Variants in MELK observed in about 807,000 individuals in gnomAD.
MELK encodes the protein pEg3 kinase.
A neutral mutation model predicts 85.0 loss-of-function variants in MELK; 81 were observed. The observed-to-expected ratio is 0.95, with a 90% CI of 0.80 to 1.15. MELK has a LOEUF of 1.15. Among genes scored for constraint, MELK ranks in the 50% most tolerant of loss-of-function variants. The probability of loss-of-function intolerance (pLI) is 0.00; values close to 1 mark genes in which losing one functional copy is unlikely to be tolerated. For missense variants in MELK, 754 were observed against 777.5 expected (o/e 0.97, Z 0.36); for synonymous variants, 252 against 265.0 (o/e 0.95, Z 0.48).
At chr9:36,585,716 T>G (rs1007093719) in intron 3 of MELK, among the ~76,000 whole-genome samples, 1 of 152,132 alleles carries the variant, frequency 6.6e-6, no homozygotes, top group African/African-American at 2.4e-5. Context: ...GCCAGAGGAT[T>G]GCTTGAGGCC....
At chr9:36,612,211 T>A (rs1404741614) in intron 8 of MELK, among the ~76,000 whole-genome samples, 1 of 152,048 alleles carries the variant, frequency 6.6e-6, no homozygotes, top group Non-Finnish European at 1.5e-5. Context: ...TTCTCTTGCC[T>A]CAGCCTCCTG....
intron 1 of MELK, among the ~76,000 whole-genome samples, chr9:36,581,397 C>T (rs1284485869): frequency 2.0e-5 from 3 of 151,802 alleles, no homozygotes; most frequent in Non-Finnish European, 4.4e-5. Context: ...GTGATCCTCT[C>T]CTATCCTGAA....
At chr9:36,638,838 G>A (rs1829467020) in intron 10 of MELK, among the ~76,000 whole-genome samples, 1 of 152,160 alleles carries the variant, frequency 6.6e-6, no homozygotes. Flanking sequence ...TGAGGCAACT[G>A]AGACACAGAA....
chr9:36,657,846 G>T (rs1010307700), intron 13 of MELK, among the ~76,000 whole-genome samples: 4 of 152,198 alleles, frequency 2.6e-5, no homozygotes, highest in Admixed American at 6.5e-5. Context: ...GCCTTCCAAA[G>T]TGCTGGGATT....
intron 8 of MELK, among the ~76,000 whole-genome samples, chr9:36,613,613 T>A (rs1212483538): frequency 6.6e-6 from 1 of 152,120 alleles, no homozygotes; most frequent in Non-Finnish European, 1.5e-5. Context: ...GTAGGTTGCA[T>A]GATTAAATAA....
intron 8 of MELK, among the ~76,000 whole-genome samples, chr9:36,610,692 T>A (rs1825987078): frequency 6.6e-6 from 1 of 152,210 alleles, no homozygotes; most frequent in Admixed American, 6.5e-5. Context: ...CCTGACTCCA[T>A]AGAGCCATAC....
At chr9:36,598,860 C>T (rs1487553202) in intron 6 of MELK, among the ~76,000 whole-genome samples, 1 of 152,110 alleles carries the variant, frequency 6.6e-6, no homozygotes, top group African/African-American at 2.4e-5. Context: ...TTGTTCATGC[C>T]AGGTTGTAGT....
intron 11 of MELK, 81 bp from the exon 12 acceptor site, chr9:36,651,665 A>C: frequency 6.6e-7 from 1 of 1,515,672 alleles, no homozygotes; most frequent in Non-Finnish European, 8.9e-7. Flanking sequence ...TGTTACACTG[A>C]AGAAAAAAAT....
chr9:36,675,705 C>G lies in MELK; in HGVS notation c.1778+768C>G, dbSNP rs1243779000. On this transcript the variant is annotated intron_variant, in intron 17 of 17. Transcript: ENST00000298048. ...GTTGAAGGAACTGCCATCAAAGCCT[C>G]CTTGGTTATGATCTCCTGGTCTCAA... Among the ~76,000 whole-genome samples, 3 of 152,146 alleles carry G rather than the reference C, an allele frequency of 2.0e-5. No homozygotes were observed. In the East Asian group the frequency reaches 5.8e-4, roughly 29 times the overall value.
At chr9:36,641,037 T>C (rs1829708683) in intron 10 of MELK, among the ~76,000 whole-genome samples, 1 of 152,188 alleles carries the variant, frequency 6.6e-6, no homozygotes, top group Admixed American at 6.5e-5. Flanking sequence ...TTCTGAATAC[T>C]TCACTTTGAT....
chr9:36,620,586 G>A (rs979884137), intron 8 of MELK, among the ~76,000 whole-genome samples: 1 of 126,390 alleles, frequency 7.9e-6, no homozygotes, highest in Non-Finnish European at 1.6e-5. Flanking sequence ...GTCTCGCTCT[G>A]TCTCCCAGGC....
intron 5 of MELK, 151 bp downstream of exon 5, chr9:36,594,922 TAC>T (rs1488346478): frequency 1.1e-5 from 9 of 804,944 alleles, no homozygotes; most frequent in South Asian, 5.2e-5. Context: ...TTTTTCCTCT[TAC>T]TTTTTTTTTT....
At chr9:36,593,778 G>T (rs1033487259) in intron 4 of MELK, among the ~76,000 whole-genome samples, 1 of 152,108 alleles carries the variant, frequency 6.6e-6, no homozygotes, top group African/African-American at 2.4e-5. Context: ...TGCAACCTCT[G>T]CCTCCCGGGT....
At chr9:36,643,290 C>T (rs910731733) in intron 11 of MELK, among the ~76,000 whole-genome samples, 5 of 151,466 alleles carry the variant, frequency 3.3e-5, no homozygotes, top group African/African-American at 9.7e-5. Context: ...GGCTGAGGCA[C>T]GAGAATCACT....
At chr9:36,671,232 TA>T (rs1832863094) in intron 16 of MELK, 66 bp downstream of exon 16, 3 of 1,406,576 alleles carry the variant, frequency 2.1e-6, no homozygotes, top group Non-Finnish European at 2.8e-6. Context: ...CTTTTTTTTT[TA>T]AGGTGCTGAA....
At chr9:36,606,441 TATA>T (rs1474232512) in intron 7 of MELK, among the ~76,000 whole-genome samples, 1 of 126,648 alleles carries the variant, frequency 7.9e-6, no homozygotes, top group Non-Finnish European at 1.6e-5. Flanking sequence ...TAGGTGTGTA[TATA>T]ATATATACAT....
At chr9:36,613,275 C>T (rs895620030) in intron 8 of MELK, among the ~76,000 whole-genome samples, 2 of 152,232 alleles carry the variant, frequency 1.3e-5, no homozygotes, top group Admixed American at 1.3e-4. Context: ...ATCAGAAAGA[C>T]AACCACTTGT....
In MELK at chr9:36,574,078, T is replaced by C. The variant is rs565410592; in HGVS notation, c.-39+1071T>C. Reference sequence around the variant, plus strand: ...TTTAAATTTTGGTTTCTGTTTCCCATGGAGTCTGGCTAGAAAATCAGAAAA... The same window carrying C: ...TTTAAATTTTGGTTTCTGTTTCCCACGGAGTCTGGCTAGAAAATCAGAAAA... On this transcript the variant is annotated intron_variant, in intron 1 of 17. Coordinates refer to ENST00000298048, the MANE Select transcript of MELK (RefSeq NM_014791.4). Among the ~76,000 whole-genome samples the C allele has an allele frequency of 2.0e-5, 3 of 152,254 alleles. No individual in the cohort carries two copies. The South Asian group carries it at 6.2e-4, about 32-fold the overall frequency.
chr9:36,619,654 C>A (rs964992333), intron 8 of MELK, among the ~76,000 whole-genome samples: 2 of 151,936 alleles, frequency 1.3e-5, no homozygotes, highest in Non-Finnish European at 2.9e-5. Flanking sequence ...AGTTTTGAAC[C>A]CCCCAAAAAT....
Sources: allele counts gnomAD v4.1 joint callset (sites outside exome capture counted in the v4.1 genomes callset), GRCh38; gene constraint gnomAD v4.1.1; transcripts MANE v1.5; gene names NCBI Gene and HGNC (gene_info 2026-07-23, HGNC 2026-07-21).